The following KIF6 variants were observed in gnomAD, a reference collection of about 807,000 sequenced individuals.
The protein encoded by KIF6 is kinesin-like protein KIF6.
Under a neutral mutation model 112.7 loss-of-function variants are expected in KIF6, and 106 were observed. That is an observed-to-expected ratio of 0.94 (90% CI 0.80 to 1.11). The LOEUF (loss-of-function observed/expected upper bound fraction) is 1.11. Among genes scored for constraint, KIF6 ranks in the 50% least tolerant of loss-of-function variants. The pLI, the probability that KIF6 is intolerant of heterozygous loss-of-function variation, is 0.00. For missense variants in KIF6, 929 were observed against 964.0 expected (o/e 0.96, Z 0.48); for synonymous variants, 339 against 339.9 (o/e 1.00, Z 0.03).
At chr6:39,522,164 G>A (rs1228287594) in intron 13 of KIF6, among the ~76,000 whole-genome samples, 1 of 152,170 alleles carries the variant, frequency 6.6e-6, no homozygotes, top group Non-Finnish European at 1.5e-5. Context: ...CTATCAAGGG[G>A]AGGATGTTTA....
intron 15 of KIF6, among the ~76,000 whole-genome samples, chr6:39,401,630 G>C (rs764463570): frequency 2.6e-5 from 4 of 151,968 alleles, no homozygotes; most frequent in African/African-American, 4.8e-5. Context: ...CGGGGCAGGG[G>C]ATTTTAATTC....
In KIF6 at chr6:39,343,612, C is replaced by G; in HGVS notation, c.2428+97G>C. 2 of 1,157,684 alleles carry G rather than the reference C, an allele frequency of 1.7e-6. No individual in the cohort carries two copies. The highest frequency in any genetic ancestry group is 2.4e-6 in the Non-Finnish European group (2 of 817,842). 71.7% of individuals were successfully genotyped at this position (1,157,684 alleles called of 1,614,324 possible). A position where few individuals can be genotyped will look rare whatever the true frequency, so the allele number is the denominator to read the frequency against. On this transcript the variant is annotated intron_variant, in intron 22 of 22. Coordinates refer to ENST00000287152, the MANE Select transcript of KIF6 (RefSeq NM_145027.6). The surrounding 1 kb of genome is among the most constrained non-coding windows in gnomAD (Gnocchi z 4.1). ...CCAGTCCTGTGGCTTCAGGAATATG[C>G]AGGAAACTCCCTACTCCCCTCCCAC...
At chr6:39,350,683 T>C (rs1764175204) in intron 19 of KIF6, among the ~76,000 whole-genome samples, 2 of 152,212 alleles carry the variant, frequency 1.3e-5, no homozygotes, top group South Asian at 4.1e-4. Context: ...CAGGGTTCCC[T>C]ACCTGGCTTA....
intron 13 of KIF6, among the ~76,000 whole-genome samples, chr6:39,485,678 G>T (rs768764845): frequency 6.3e-4 from 96 of 152,164 alleles, no homozygotes; most frequent in Non-Finnish European, 1.3e-3. Context: ...CCACTGTCAC[G>T]AAAGGAGCAT....
intron 8 of KIF6, among the ~76,000 whole-genome samples, chr6:39,585,639 T>C (rs116811572): frequency 0.017 from 2,548 of 152,270 alleles, 72 homozygotes; most frequent in African/African-American, 0.058. Flanking sequence ...ATCATAATCA[T>C]AGCAAGAGCC....
chr6:39,437,670 A>G (rs897869611), intron 13 of KIF6, among the ~76,000 whole-genome samples: 11 of 152,312 alleles, frequency 7.2e-5, no homozygotes, highest in Non-Finnish European at 4.4e-5. Flanking sequence ...CTGGCCCACC[A>G]TTAGAGATGA....
chr6:39,622,041 C>T (rs1408927889), intron 5 of KIF6, among the ~76,000 whole-genome samples: 1 of 151,848 alleles, frequency 6.6e-6, no homozygotes, highest in African/African-American at 2.4e-5. Context: ...GCGGCGGGCA[C>T]CTGTAATCCC....
At chr6:39,673,765 T>G (rs1404022036) in intron 3 of KIF6, among the ~76,000 whole-genome samples, 1 of 152,180 alleles carries the variant, frequency 6.6e-6, no homozygotes, top group Non-Finnish European at 1.5e-5. Flanking sequence ...TGAATGAATG[T>G]TGTTTGGGGT....
chr6:39,675,913 G>C (rs1787108137), intron 3 of KIF6, among the ~76,000 whole-genome samples: 1 of 151,726 alleles, frequency 6.6e-6, no homozygotes. Flanking sequence ...AATATTTGAA[G>C]AAACTACTCA....
At chr6:39,641,505 A>T (rs1224727121) in intron 3 of KIF6, among the ~76,000 whole-genome samples, 2 of 150,130 alleles carry the variant, frequency 1.3e-5, no homozygotes, top group East Asian at 4.1e-4. Context: ...AGGTGGGGGG[A>T]CGGGGGAGGG....
chr6:39,350,579 G>A (rs11753201), intron 19 of KIF6, among the ~76,000 whole-genome samples: 11,323 of 152,148 alleles, frequency 0.074, 573 homozygotes, highest in African/African-American at 0.13. Context: ...GAGAAGGCCA[G>A]TGCTGTCTCC....
intron 3 of KIF6, chr6:39,691,772 TG>T (rs1788226033): frequency 6.6e-6 from 1 of 152,230 alleles, no homozygotes; most frequent in African/African-American, 2.4e-5. Flanking sequence ...CATATCACTT[TG>T]GCGGAAAAAT....
chr6:39,455,494 C>T (rs1773013830), intron 13 of KIF6, among the ~76,000 whole-genome samples: 1 of 152,086 alleles, frequency 6.6e-6, no homozygotes, highest in African/African-American at 2.4e-5. Context: ...CAGTTCCTCA[C>T]CAGCAACGGA....
At chr6:39,623,560 A>T (rs1783937557) in intron 5 of KIF6, among the ~76,000 whole-genome samples, 1 of 152,178 alleles carries the variant, frequency 6.6e-6, no homozygotes, top group Non-Finnish European at 1.5e-5. Flanking sequence ...TATTTTTCTA[A>T]ATGGATTATT....
chr6:39,393,783 T>A (rs1262854665), intron 15 of KIF6, among the ~76,000 whole-genome samples: 4 of 152,116 alleles, frequency 2.6e-5, no homozygotes, highest in African/African-American at 9.7e-5. Flanking sequence ...AGTTACTTTT[T>A]AACTCTAGAA....
intron 3 of KIF6, among the ~76,000 whole-genome samples, chr6:39,642,328 T>C (rs1784949036): frequency 6.6e-6 from 1 of 152,252 alleles, no homozygotes. Flanking sequence ...GTAGGAACCA[T>C]GAGCTTTGTG....
intron 7 of KIF6, among the ~76,000 whole-genome samples, chr6:39,590,427 GTGTATATA>G (rs1344169738): frequency 3.1e-4 from 35 of 112,650 alleles, no homozygotes; most frequent in African/African-American, 1.0e-3. Flanking sequence ...GTATGTGTGT[GTGTATATA>G]TATATATATA....
At chr6:39,368,485 T>C (rs1436573252) in intron 16 of KIF6, among the ~76,000 whole-genome samples, 2 of 152,232 alleles carry the variant, frequency 1.3e-5, no homozygotes, top group South Asian at 2.1e-4. Context: ...GGGCAGATTA[T>C]TGAAGTCTGT....
At chr6:39,379,748 G>C (rs1475958472) in intron 16 of KIF6, among the ~76,000 whole-genome samples, 1 of 152,206 alleles carries the variant, frequency 6.6e-6, no homozygotes, top group Non-Finnish European at 1.5e-5. Context: ...GAAACTCTTT[G>C]AGGGCAGGCA....
Sources: gnomAD v4.1 joint callset for allele counts (sites outside exome capture counted in the v4.1 genomes callset) on GRCh38, gnomAD v4.1.1 for gene constraint, Gnocchi (gnomAD v3.1) non-coding constraint, MANE v1.5 for transcripts, NCBI Gene and HGNC (gene_info 2026-07-23, HGNC 2026-07-21) for gene names.